Variants in VWF observed in about 807,000 individuals in gnomAD.
The protein encoded by VWF is Factor VIII related antigen.
In VWF, 176 loss-of-function variants were observed where a neutral mutation model predicts 308.6. The ratio of observed to expected loss-of-function variants is 0.57; its 90% CI spans 0.50 to 0.65. VWF has a LOEUF of 0.65. Among genes scored for constraint, VWF ranks in the 30% least tolerant of loss-of-function variants. VWF has a pLI of 0.00. For missense variants in VWF, 3,146 were observed against 3,648.2 expected (o/e 0.86, Z 3.55); for synonymous variants, 1,385 against 1,443.4 (o/e 0.96, Z 0.92).
intron 13 of VWF, among the ~76,000 whole-genome samples, chr12:6,059,352 T>C (rs1052473788): frequency 1.3e-5 from 2 of 152,242 alleles, no homozygotes; most frequent in Non-Finnish European, 2.9e-5. Context: ...CATTAGAACT[T>C]AAGCTAAATG....
chr12:6,032,879 C>CAT (rs1944285387), intron 20 of VWF, among the ~76,000 whole-genome samples: 1 of 140,872 alleles, frequency 7.1e-6, no homozygotes, highest in Non-Finnish European at 1.6e-5. Flanking sequence ...TACTCATACA[C>CAT]ACACACACGC....
chr12:5,956,642 A>G (rs749415983), intron 47 of VWF, among the ~76,000 whole-genome samples: 4 of 122,908 alleles, frequency 3.3e-5, no homozygotes, highest in Non-Finnish European at 6.9e-5. Flanking sequence ...CCCTGTCTCG[A>G]AAAAAAAAAA....
Position 5,969,234 on chromosome 12 carries a change from G to T in VWF, c.7706C>A (p.Ala2569Glu), listed in dbSNP as rs752093211. 2 of 1,613,926 alleles carry T rather than the reference G, an allele frequency of 1.2e-6. No individual in the cohort carries two copies. The highest frequency in any genetic ancestry group is 1.7e-6 in the Non-Finnish European group (2 of 1,179,916). The change falls in exon 45 of 52, where the codon GCG (alanine) becomes GAG (glutamate). Residue 2569 changes from alanine (A) to glutamate (E), a missense_variant. Physicochemically the swap from Ala to Glu is moderately radical, Grantham distance 107. Around this residue, in one of 3 missense-constraint regions of VWF, gnomAD observed 989 missense variants for 1,117.4 expected, o/e 0.89. Coordinates refer to ENST00000261405, the MANE Select transcript of VWF (RefSeq NM_000552.5). ...SGFQLSCKTS[A>E]CCPSCRCERM... is the part of the protein sequence containing the mutation. ...ACCACAGCGACAGCTTGGGCAGCAC[G>T]CTGAGGTCTTACAGCTCAGCTGAAA...
At chr12:5,959,793 C>A (rs1244301448) in intron 47 of VWF, among the ~76,000 whole-genome samples, 1 of 151,318 alleles carries the variant, frequency 6.6e-6, no homozygotes, top group Non-Finnish European at 1.5e-5. Context: ...TTTTAACTAG[C>A]GGTAATAAAA....
chr12:6,074,813 A>T (rs1944822667), intron 7 of VWF, among the ~76,000 whole-genome samples: 1 of 152,210 alleles, frequency 6.6e-6, no homozygotes, highest in Non-Finnish European at 1.5e-5. Flanking sequence ...ACCCATTGAG[A>T]CTGGAAGATG....
At chr12:5,965,858 G>T (rs1310282718) in intron 47 of VWF, among the ~76,000 whole-genome samples, 1 of 152,160 alleles carries the variant, frequency 6.6e-6, no homozygotes, top group Admixed American at 6.5e-5. Flanking sequence ...GAGGGAGGGC[G>T]AATCTAAGGG....
chr12:6,095,853 A>G, intron 5 of VWF: 1 of 440,658 alleles, frequency 2.3e-6, no homozygotes, highest in African/African-American at 2.0e-5. Flanking sequence ...CCCACTCCCC[A>G]GGAGGCCCCC....
intron 3 of VWF, among the ~76,000 whole-genome samples, chr12:6,119,644 G>A (rs1307114532): frequency 1.3e-5 from 2 of 152,116 alleles, no homozygotes; most frequent in Admixed American, 6.6e-5. Context: ...TCAGGAGTTC[G>A]AGACCAGCCT....
Position 6,019,272 on chromosome 12 carries a change from C to T in VWF, c.4146G>A (p.Leu1382=), listed in dbSNP as rs140464171. The T allele has an allele frequency of 1.1e-5, 17 of 1,613,830 alleles. No individual in the cohort carries two copies. The highest frequency in any genetic ancestry group is 1.4e-5 in the Non-Finnish European group (17 of 1,179,838). Residue 1382 remains leucine, a synonymous_variant, in exon 28 of 52, where the codon CTG becomes CTA. Coordinates refer to ENST00000261405, the MANE Select transcript of VWF (RefSeq NM_000552.5). The surrounding 1 kb of genome is among the most constrained non-coding windows in gnomAD (Gnocchi z 5.8). ...GGGGCTCCTGGCTGGCCATCAGGAG[C>T]AGGGTGATGCGGGAGGCTTCAGGGC... ...IDRPEASRIT[L]LLMASQEPQR...
chr12:6,104,262 AAGAC>A (rs1258939505), intron 5 of VWF, among the ~76,000 whole-genome samples: 1 of 152,174 alleles, frequency 6.6e-6, no homozygotes, highest in Non-Finnish European at 1.5e-5. Flanking sequence ...TATTATTAAA[AAGAC>A]AGAAAATAAC....
intron 2 of VWF, chr12:6,122,783 C>A: frequency 1.8e-6 from 1 of 565,362 alleles, no homozygotes; most frequent in Non-Finnish European, 3.4e-6. Flanking sequence ...GACCCTCAGT[C>A]TCTTCATTGT....
chr12:6,057,484 TTATTATTATTA>T (rs1292462401), intron 14 of VWF, among the ~76,000 whole-genome samples: 3 of 49,854 alleles, frequency 6.0e-5, no homozygotes, highest in South Asian at 1.1e-3. Flanking sequence ...GGCAAATTTA[TTATTATTATTA>T]TTATTATTAT....
intron 38 of VWF, among the ~76,000 whole-genome samples, chr12:5,986,627 T>A (rs1171221053): frequency 1.3e-5 from 2 of 152,046 alleles, no homozygotes; most frequent in Non-Finnish European, 2.9e-5. Context: ...TGCCCTGCCC[T>A]CCTTCAGGAT....
In VWF at chr12:6,063,133, A is replaced by G; in HGVS notation, c.1433-79T>C. 8.5e-7 allele frequency: 1 copy of G among 1,182,466 alleles called. No individual in the cohort carries two copies. The highest frequency in any genetic ancestry group is 1.2e-6 in the Non-Finnish European group (1 of 809,422). The allele number at this position is 1,182,466 out of a possible 1,614,324, so 73.2% of individuals were successfully genotyped here. A position where few individuals can be genotyped will look rare whatever the true frequency, so the allele number is the denominator to read the frequency against. On this transcript the variant is annotated intron_variant, in intron 12 of 51. Transcript: ENST00000261405. This position sits in a 1 kb window ranked among gnomAD's most constrained non-coding sequence, Gnocchi z 4.9. ...GGCAGGCAGATGTATTTGGGAGGAA[A>G]TGGGGTGTCTCAAAAGGATGGTAGC... is the stretch of plus-strand genomic sequence containing the variant.
At position 5,983,203 on chromosome 12, in the gene VWF, C is replaced by T. The variant is rs61750629; in HGVS notation, c.7028G>A (p.Gly2343Asp). The part of the protein sequence containing the change: ...DLPPVPHCER[G>D]LQPTLTNPGE... ...AGGGTTGGTCAGTGTGGGCTGGAGG[C>T]CACGTTCACAGTGAGGCACTGGGGG... Residue 2343 changes from glycine (G) to aspartate (D), a missense_variant, in exon 41 of 52, where the codon GGC becomes GAC. Physicochemically the swap from Gly to Asp is moderately conservative, Grantham distance 94 (BLOSUM62 -1). Coordinates refer to ENST00000261405, the MANE Select transcript of VWF (RefSeq NM_000552.5). The T allele has an allele frequency of 6.2e-7, 1 of 1,614,072 alleles. No individual in the cohort carries two copies. Among genetic ancestry groups the T allele is most frequent in the Non-Finnish European group, 8.5e-7 (1 of 1,180,008 alleles).
chr12:6,017,577 C>T (rs767898661), intron 28 of VWF, among the ~76,000 whole-genome samples: 2 of 152,148 alleles, frequency 1.3e-5, no homozygotes, highest in Non-Finnish European at 2.9e-5. Flanking sequence ...GGATTAGACG[C>T]CAGTGTCAGT....
In VWF at chr12:6,063,783, T is replaced by C. The variant is rs1183417267; in HGVS notation, c.1432+463A>G. Among the ~76,000 whole-genome samples, 1 of 151,860 alleles carries C rather than the reference T, an allele frequency of 6.6e-6. No individual in the cohort carries two copies. The highest frequency in any genetic ancestry group is 2.4e-5 in the African/African-American group (1 of 41,314). ...CAGGTGAAGATACTGGACAGGTAGG[T>C]TTTTTGCTACCTCTAGACAGGCCAG... On this transcript the variant is annotated intron_variant, in intron 12 of 51. Coordinates refer to ENST00000261405, the MANE Select transcript of VWF (RefSeq NM_000552.5). This position sits in a 1 kb window ranked among gnomAD's most constrained non-coding sequence, Gnocchi z 4.9.
Position 6,046,217 on chromosome 12 carries a change from C to G in VWF, c.2281+506G>C, listed in dbSNP as rs1442595319. ...CCAACCTGGGTGACAGAGTGAGACT[C>G]TCAAAAAAAAAAGACAGTGCAGCCA... is the stretch of plus-strand genomic sequence containing the variant. On this transcript the variant is annotated intron_variant, in intron 17 of 51. Coordinates refer to ENST00000261405, the MANE Select transcript of VWF (RefSeq NM_000552.5). This position sits in a 1 kb window ranked among gnomAD's most constrained non-coding sequence, Gnocchi z 5.0. Among the ~76,000 whole-genome samples, 2 of 151,602 alleles carry G rather than the reference C, an allele frequency of 1.3e-5. No individual in the cohort carries two copies. The highest frequency in any genetic ancestry group is 2.9e-5 in the Non-Finnish European group (2 of 67,894).
chr12:5,949,903 T>C lies in VWF; in HGVS notation c.8156-20A>G. 1 of 1,609,536 alleles carries C rather than the reference T, an allele frequency of 6.2e-7. No individual in the cohort carries two copies. The highest frequency in any genetic ancestry group is 8.5e-7 in the Non-Finnish European group (1 of 1,178,500). ...CCTCACCTACAGGACAGGTGAGAGA[T>C]GAAACTTGAGGACTGGCTGGGGTTC... On this transcript the variant is annotated intron_variant, in intron 50 of 51. Coordinates refer to ENST00000261405, the MANE Select transcript of VWF (RefSeq NM_000552.5).
Sources: gnomAD v4.1 joint callset for allele counts (sites outside exome capture counted in the v4.1 genomes callset) on GRCh38, gnomAD v4.1.1 for gene constraint, gnomAD v4.1.1 regional missense constraint, Gnocchi (gnomAD v3.1) non-coding constraint, MANE v1.5 for transcripts, NCBI Gene and HGNC (gene_info 2026-07-23, HGNC 2026-07-21) for gene names.